INSYN2B: variants seen among roughly 807,000 people sequenced by gnomAD.
INSYN2B encodes protein INSYN2B.
A neutral mutation model predicts 41.2 loss-of-function variants in INSYN2B; 16 were observed. That is an observed-to-expected ratio of 0.39 (90% confidence interval 0.26 to 0.59). The LOEUF is 0.59. Among genes scored for constraint, INSYN2B ranks in the 20% least tolerant of loss-of-function variants. The pLI is 0.57. For missense variants in INSYN2B, 608 were observed against 646.4 expected (o/e 0.94, Z 0.64); for synonymous variants, 245 against 244.4 (o/e 1.00, Z -0.02).
intron 1 of INSYN2B, among the ~76,000 whole-genome samples, chr5:169,967,033 G>A (rs2113756818): frequency 6.6e-6 from 1 of 152,338 alleles, no homozygotes; most frequent in Non-Finnish European, 1.5e-5. Flanking sequence ...AGCAATTAAT[G>A]GTGAAGTACC....
At chr5:169,911,570 T>C (rs1774601628) in intron 1 of INSYN2B, among the ~76,000 whole-genome samples, 2 of 152,230 alleles carry the variant, frequency 1.3e-5, no homozygotes, top group African/African-American at 4.8e-5. Flanking sequence ...GTAATTATAC[T>C]TTATGAGGAC....
chr5:169,909,995 T>C (rs1774504584), intron 1 of INSYN2B, among the ~76,000 whole-genome samples: 1 of 152,170 alleles, frequency 6.6e-6, no homozygotes, highest in Non-Finnish European at 1.5e-5. Flanking sequence ...TTTTAATGAC[T>C]CTGCAAGTCA....
At chr5:169,969,255 G>A (rs1044459854) in intron 1 of INSYN2B, among the ~76,000 whole-genome samples, 2 of 152,044 alleles carry the variant, frequency 1.3e-5, no homozygotes, top group Middle Eastern at 3.2e-3. Flanking sequence ...GAACAGCTTG[G>A]CCAATATGGT....
intron 1 of INSYN2B, among the ~76,000 whole-genome samples, chr5:169,971,839 G>C (rs938949082): frequency 6.6e-6 from 1 of 152,104 alleles, no homozygotes; most frequent in Non-Finnish European, 1.5e-5. Context: ...AATATCTCTC[G>C]TAGTTACCCA....
chr5:169,976,705 T>C (rs1777729344), intron 1 of INSYN2B, among the ~76,000 whole-genome samples: 1 of 151,748 alleles, frequency 6.6e-6, no homozygotes, highest in African/African-American at 2.4e-5. Context: ...CAGGCCCCTC[T>C]TCGAGCCTTG....
At chr5:169,938,749 A>G (rs1034500100) in intron 1 of INSYN2B, among the ~76,000 whole-genome samples, 3 of 152,204 alleles carry the variant, frequency 2.0e-5, no homozygotes, top group Non-Finnish European at 4.4e-5. Flanking sequence ...GTAGAAAATT[A>G]ACCATAGCAG....
intron 1 of INSYN2B, among the ~76,000 whole-genome samples, chr5:169,971,933 A>G (rs530954498): frequency 1.3e-5 from 2 of 152,322 alleles, no homozygotes; most frequent in South Asian, 2.1e-4. Flanking sequence ...AATATGAAGC[A>G]GCAATTTCTC....
intron 1 of INSYN2B, among the ~76,000 whole-genome samples, chr5:169,890,821 C>A (rs1448461450): frequency 6.6e-6 from 1 of 152,062 alleles, no homozygotes; most frequent in African/African-American, 2.4e-5. Flanking sequence ...GTATTCACAC[C>A]CAGGTCTCCA....
At position 169,927,912 on chromosome 5, in the gene INSYN2B, G is replaced by A. The variant is rs190064310; in HGVS notation, c.-918-43096C>T. ...ATTACAGGCATGAGACACTGCTCCCGGCCCGAAAAATTCTTTATTCAGGGC... is the reference window on the plus strand; with the variant it reads ...ATTACAGGCATGAGACACTGCTCCCAGCCCGAAAAATTCTTTATTCAGGGC... On this transcript the variant is annotated intron_variant, in intron 1 of 3. Transcript: ENST00000377365. 7.6e-4 allele frequency among the ~76,000 whole-genome samples: 115 copies of A among 152,256 alleles called. 1 individual carries two copies. Among genetic ancestry groups the A allele is most frequent in the South Asian group, 2.1e-3 (10 of 4,824 alleles).
intron 1 of INSYN2B, among the ~76,000 whole-genome samples, chr5:169,961,978 C>CTAAAAAAAAAAAAAA (rs1777104664): frequency 1.3e-5 from 1 of 74,654 alleles, no homozygotes; most frequent in Non-Finnish European, 2.4e-5. Flanking sequence ...GACTCTGTCC[C>CTAAAAAAAAAAAAAA]AAAAAAAAAA....
At chr5:169,879,450 G>A (rs141811009) in intron 3 of INSYN2B, among the ~76,000 whole-genome samples, 86 of 152,244 alleles carry the variant, frequency 5.6e-4, no homozygotes, top group African/African-American at 1.6e-3. Flanking sequence ...TTAATTGCCC[G>A]TTCCCTTGCA....
chr5:169,969,922 G>C (rs571423588), intron 1 of INSYN2B, among the ~76,000 whole-genome samples: 56 of 152,352 alleles, frequency 3.7e-4, no homozygotes, highest in African/African-American at 1.3e-3. Context: ...TTCAATGCAA[G>C]TTCTTCTGGT....
intron 1 of INSYN2B, among the ~76,000 whole-genome samples, chr5:169,921,096 C>T (rs1775149858): frequency 6.6e-6 from 1 of 152,150 alleles, no homozygotes; most frequent in Non-Finnish European, 1.5e-5. Context: ...CAGTGTTTTG[C>T]TTCCATAAGG....
At chr5:169,954,919 G>A (rs905287292) in intron 1 of INSYN2B, among the ~76,000 whole-genome samples, 18 of 152,180 alleles carry the variant, frequency 1.2e-4, no homozygotes, top group African/African-American at 4.3e-4. Flanking sequence ...ATGAGCAGAC[G>A]TTTTCACCAG....
intron 1 of INSYN2B, among the ~76,000 whole-genome samples, chr5:169,900,563 G>A (rs945675312): frequency 6.6e-6 from 1 of 152,180 alleles, no homozygotes; most frequent in Admixed American, 6.5e-5. Context: ...CATTTACAAA[G>A]CAAACCTAAA....
At chr5:169,974,969 A>G (rs894725784) in intron 1 of INSYN2B, among the ~76,000 whole-genome samples, 8 of 152,254 alleles carry the variant, frequency 5.3e-5, no homozygotes, top group Non-Finnish European at 4.4e-5. Flanking sequence ...GTAGGCCCCC[A>G]GACTTGAATG....
intron 1 of INSYN2B, among the ~76,000 whole-genome samples, chr5:169,923,733 G>A (rs1775297128): frequency 6.6e-6 from 1 of 152,200 alleles, no homozygotes. Flanking sequence ...CCTTAAAAAT[G>A]TGAGTAACTG....
intron 1 of INSYN2B, among the ~76,000 whole-genome samples, chr5:169,889,085 G>A (rs917891408): frequency 2.0e-4 from 30 of 152,076 alleles, no homozygotes; most frequent in African/African-American, 7.0e-4. Flanking sequence ...TTACCCCTCC[G>A]CTTGACACAG....
At chr5:169,927,253 T>C (rs1302563095) in intron 1 of INSYN2B, among the ~76,000 whole-genome samples, 2 of 151,898 alleles carry the variant, frequency 1.3e-5, no homozygotes, top group Non-Finnish European at 2.9e-5. Context: ...TTCGGAGAGG[T>C]AGAAGCAGCC....
Sources: allele counts gnomAD v4.1 joint callset (sites outside exome capture counted in the v4.1 genomes callset), GRCh38; gene constraint gnomAD v4.1.1; transcripts MANE v1.5; gene names NCBI Gene and HGNC (gene_info 2026-07-23, HGNC 2026-07-21).